Variants in MLLT10 observed in about 807,000 individuals in gnomAD.
The protein encoded by MLLT10 is MLLT10 histone lysine methyltransferase DOT1L cofactor.
MLLT10 carries 30 observed loss-of-function variants against 129.1 expected under a neutral mutation model. That is an observed-to-expected ratio of 0.23 (90% CI 0.17 to 0.32). The LOEUF (loss-of-function observed/expected upper bound fraction) is 0.32, where lower values mean the gene tolerates loss of function less well. MLLT10 is among the 10% of genes least tolerant of loss of function. MLLT10 has a pLI of 1.00. For synonymous variants in MLLT10, 490 were observed against 446.4 expected (o/e 1.10, Z -1.23); for missense variants, 1,119 against 1,268.3 (o/e 0.88, Z 1.79).
intron 8 of MLLT10, among the ~76,000 whole-genome samples, chr10:21,649,071 A>G (rs1244807173): frequency 6.6e-6 from 1 of 151,992 alleles, no homozygotes; most frequent in African/African-American, 2.4e-5. Context: ...AAATCCTAAT[A>G]TTGTTATTTT....
intron 4 of MLLT10, among the ~76,000 whole-genome samples, chr10:21,593,282 G>A (rs1564471650): frequency 1.3e-5 from 2 of 151,804 alleles, no homozygotes; most frequent in Non-Finnish European, 1.5e-5. Flanking sequence ...TTGTAGAGAT[G>A]GGGTTTCACT....
At chr10:21,722,140 T>C (rs2057177816) in intron 14 of MLLT10, among the ~76,000 whole-genome samples, 1 of 152,084 alleles carries the variant, frequency 6.6e-6, no homozygotes, top group African/African-American at 2.4e-5. Flanking sequence ...TGAAATAATT[T>C]TCGATATATA....
At chr10:21,700,457 A>G (rs546015496) in intron 13 of MLLT10, among the ~76,000 whole-genome samples, 7 of 152,216 alleles carry the variant, frequency 4.6e-5, no homozygotes, top group East Asian at 1.9e-4. Flanking sequence ...CTTAGAGGAA[A>G]AATTTTAGCT....
At chr10:21,625,672 A>C in intron 8 of MLLT10, 1 of 764,380 alleles carries the variant, frequency 1.3e-6, no homozygotes, top group Non-Finnish European at 2.5e-6. Context: ...TGTTTTCTTT[A>C]GTCTTATTCT....
At chr10:21,668,791 A>C (rs2051102392) in intron 9 of MLLT10, 1 of 403,418 alleles carries the variant, frequency 2.5e-6, no homozygotes, top group Non-Finnish European at 3.4e-6. Context: ...TGTGGAAGTG[A>C]ATAGCGTATT....
intron 5 of MLLT10, among the ~76,000 whole-genome samples, chr10:21,607,750 A>T (rs2044205179): frequency 6.6e-6 from 1 of 152,228 alleles, no homozygotes; most frequent in South Asian, 2.1e-4. Context: ...TAAATAGATA[A>T]GAGAAGAATG....
chr10:21,542,321 C>G (rs541890465), intron 3 of MLLT10, among the ~76,000 whole-genome samples: 1 of 152,272 alleles, frequency 6.6e-6, no homozygotes, highest in Non-Finnish European at 1.5e-5. Flanking sequence ...GTAATCCCAG[C>G]ACTTTGGGAG....
chr10:21,623,950 T>G lies in MLLT10; in HGVS notation c.699+6743T>G, dbSNP rs144936365. On this transcript the variant is annotated intron_variant, in intron 8 of 22. Coordinates refer to ENST00000307729, the MANE Select transcript of MLLT10 (RefSeq NM_001195626.3). ...TTTTTTTAATAGATTTTTTTAGTTT[T>G]ATTGAAATCTTACATGAACAGGAAA... is the stretch of plus-strand genomic sequence containing the variant. 6.1e-3 allele frequency among the ~76,000 whole-genome samples: 936 copies of G among 152,290 alleles called. 5 individuals carry two copies. The highest frequency in any genetic ancestry group is 0.01 in the Middle Eastern group (3 of 294).
intron 3 of MLLT10, among the ~76,000 whole-genome samples, chr10:21,543,802 A>G (rs2035628990): frequency 6.6e-6 from 1 of 152,196 alleles, no homozygotes; most frequent in African/African-American, 2.4e-5. Context: ...TATGAAAGGC[A>G]GGGTCCTTTG....
intron 3 of MLLT10, among the ~76,000 whole-genome samples, chr10:21,565,921 A>T (rs1351554865): frequency 6.8e-6 from 1 of 147,182 alleles, no homozygotes; most frequent in African/African-American, 2.5e-5. Flanking sequence ...TTATGTTTTT[A>T]AAATCCAGTC....
In MLLT10 at chr10:21,713,840, C is replaced by G; in HGVS notation, c.1768C>G (p.Pro590Ala). The G allele has an allele frequency of 1.9e-6, 3 of 1,614,064 alleles. No individual in the cohort carries two copies. Among genetic ancestry groups the G allele is most frequent in the Non-Finnish European group, 2.5e-6 (3 of 1,179,974 alleles). Residue 590 changes from proline (P) to alanine (A), a missense_variant, in exon 14 of 23, where the codon CCT (proline) becomes GCT (alanine). Pro to Ala is a conservative substitution (Grantham distance 27, BLOSUM62 -1). Around this residue, in one of 5 missense-constraint regions of MLLT10, gnomAD observed 1,004 missense variants for 1,008.7 expected, o/e 1.00. Transcript: ENST00000307729. ...AGTATCTGGCTCGGGATCTAGTACT[C>G]CTGTCTCCAGCTCTCACTTACCTCA... is the stretch of plus-strand genomic sequence containing the variant. The part of the protein sequence containing the change: ...NVVSGSGSST[P>A]VSSSHLPQQS...
chr10:21,644,682 C>A (rs887616195), intron 8 of MLLT10, among the ~76,000 whole-genome samples: 1 of 152,002 alleles, frequency 6.6e-6, no homozygotes, highest in African/African-American at 2.4e-5. Context: ...CACTCTGTCC[C>A]CCAAGCTGGA....
rs922990296 is a variant in MLLT10, at chr10:21,742,989, T to C, written c.*1006T>C. ...AGAAAAGGAGTGGATTTGGTAAGAA[T>C]AGAGATTTGTTTTATTTAAACCACT... On this transcript the variant is annotated 3_prime_UTR_variant, in exon 23 of 23. Coordinates refer to ENST00000307729, the MANE Select transcript of MLLT10 (RefSeq NM_001195626.3). 8.7e-6 allele frequency: 2 copies of C among 229,512 alleles called. No homozygotes were observed. The highest frequency in any genetic ancestry group is 5.7e-5 in the Admixed American group (1 of 17,632). The allele number at this position is 229,512 out of a possible 1,614,324, so 14.2% of individuals were successfully genotyped here. A position where few individuals can be genotyped will look rare whatever the true frequency, so the allele number is the denominator to read the frequency against.
intron 8 of MLLT10, chr10:21,625,550 T>C: frequency 1.3e-6 from 1 of 780,966 alleles, no homozygotes; most frequent in Admixed American, 1.7e-5. Context: ...TGCTGACTTG[T>C]GATCCTCACA....
At chr10:21,567,032 C>T (rs1165772191) in intron 3 of MLLT10, among the ~76,000 whole-genome samples, 7 of 151,740 alleles carry the variant, frequency 4.6e-5, no homozygotes, top group South Asian at 2.1e-4. Flanking sequence ...AGGCTGTTCT[C>T]GAACTTCCGA....
Position 21,534,315 on chromosome 10 carries a change from C to CCCCCCCCCCCCA in MLLT10, c.-201_-200insCCCCCCACCCCC. 2.6e-6 allele frequency: 1 copy of CCCCCCCCCCCCA among 391,302 alleles called. No homozygotes were observed. The highest frequency in any genetic ancestry group is 6.6e-4 in the Middle Eastern group (1 of 1,512). 24.2% of individuals were successfully genotyped at this position (391,302 alleles called of 1,614,324 possible). Reference sequence around the variant, plus strand: ...CCCTGGCCCAGCGGGAGCCCCCCCTCCCCCCAGTGCGCCTGTGCGGAGGCC... The same window carrying CCCCCCCCCCCCA: ...CCCTGGCCCAGCGGGAGCCCCCCCTCCCCCCCCCCCCACCCCCAGTGCGCCTGTGCGGAGGCC... On this transcript the variant is annotated 5_prime_UTR_variant, in exon 1 of 23. Transcript: ENST00000307729.
intron 3 of MLLT10, among the ~76,000 whole-genome samples, chr10:21,546,906 A>G (rs951896845): frequency 6.6e-6 from 1 of 152,068 alleles, no homozygotes; most frequent in African/African-American, 2.4e-5. Flanking sequence ...TTTGTATAGT[A>G]GAGACGGGGT....
chr10:21,697,181 A>G (rs2054459182), intron 13 of MLLT10, among the ~76,000 whole-genome samples: 1 of 151,990 alleles, frequency 6.6e-6, no homozygotes, highest in African/African-American at 2.4e-5. Context: ...AAAAGACAGA[A>G]ATAGGCCGGG....
intron 8 of MLLT10, among the ~76,000 whole-genome samples, chr10:21,631,920 G>A (rs1428776783): frequency 2.4e-5 from 3 of 125,322 alleles, no homozygotes; most frequent in African/African-American, 6.9e-5. Flanking sequence ...AACTTGAAGA[G>A]TTTTTTTTTT....
Sources: allele counts gnomAD v4.1 joint callset (sites outside exome capture counted in the v4.1 genomes callset), GRCh38; gene constraint gnomAD v4.1.1; regional missense constraint gnomAD v4.1.1; transcripts MANE v1.5; gene names NCBI Gene and HGNC (gene_info 2026-07-23, HGNC 2026-07-21).